The following THEMIS variants were observed in gnomAD, a reference collection of about 807,000 sequenced individuals.
THEMIS encodes protein THEMIS.
Under a neutral mutation model 52.6 loss-of-function variants are expected in THEMIS, and 37 were observed. The observed-to-expected ratio is 0.70, with a 90% confidence interval of 0.54 to 0.93. THEMIS has a LOEUF of 0.93. Among genes scored for constraint, THEMIS ranks in the 40% least tolerant of loss-of-function variants. THEMIS has a pLI of 0.00. For synonymous variants in THEMIS, 292 were observed against 272.7 expected, an observed-to-expected ratio of 1.07 and a Z score of -0.70; for missense variants, 808 against 763.1, an observed-to-expected ratio of 1.06 and a Z score of -0.69.
upstream of THEMIS, among the ~76,000 whole-genome samples, chr6:127,904,653 G>A (rs78004489): frequency 3.7e-4 from 56 of 152,190 alleles, no homozygotes; most frequent in East Asian, 9.5e-3. Flanking sequence ...AGACAGGACA[G>A]AGAAAGACAG....
At chr6:127,793,937 A>G (rs1302512855) in intron 4 of THEMIS, among the ~76,000 whole-genome samples, 1 of 152,202 alleles carries the variant, frequency 6.6e-6, no homozygotes, top group Non-Finnish European at 1.5e-5. Flanking sequence ...CTTTCCCACT[A>G]TAGTTATCTA....
At chr6:127,744,129 A>G (rs780854557) in intron 4 of THEMIS, among the ~76,000 whole-genome samples, 2 of 152,188 alleles carry the variant, frequency 1.3e-5, no homozygotes, top group African/African-American at 4.8e-5. Context: ...AGAATCTTCA[A>G]CTGTCTTTAT....
At chr6:127,917,927 A>G (rs1280141293) in intron 1 of THEMIS, among the ~76,000 whole-genome samples, 1 of 152,214 alleles carries the variant, frequency 6.6e-6, no homozygotes, top group African/African-American at 2.4e-5. Flanking sequence ...GGTTTCTAAT[A>G]AATTTATCCT....
chr6:127,721,202 C>T (rs1396160642), intron 4 of THEMIS, among the ~76,000 whole-genome samples: 3 of 151,986 alleles, frequency 2.0e-5, no homozygotes, highest in African/African-American at 4.8e-5. Flanking sequence ...GAGCCCCAGA[C>T]GTTTGGGTGA....
chr6:127,754,255 C>G (rs1258581273), intron 4 of THEMIS, among the ~76,000 whole-genome samples: 1 of 152,156 alleles, frequency 6.6e-6, no homozygotes, highest in Non-Finnish European at 1.5e-5. Flanking sequence ...AACCATGTGT[C>G]TAGGTTTCCA....
At chr6:127,785,644 A>G (rs1490488687) in intron 4 of THEMIS, among the ~76,000 whole-genome samples, 2 of 152,046 alleles carry the variant, frequency 1.3e-5, no homozygotes, top group African/African-American at 2.4e-5. Context: ...AAAGTTAAAG[A>G]ACAACTGGTG....
intron 2 of THEMIS, among the ~76,000 whole-genome samples, chr6:127,849,866 A>G (rs1430026135): frequency 6.6e-6 from 1 of 151,698 alleles, no homozygotes; most frequent in Non-Finnish European, 1.5e-5. Context: ...CCAAAAGCAA[A>G]TGCCACAAAA....
At chr6:127,826,938 TA>T (rs1216436780) in intron 3 of THEMIS, among the ~76,000 whole-genome samples, 2 of 151,598 alleles carry the variant, frequency 1.3e-5, no homozygotes, top group African/African-American at 2.4e-5. Flanking sequence ...TAAACATTTT[TA>T]TTTTTTTTTT....
the THEMIS span, among the ~76,000 whole-genome samples, chr6:127,701,587 T>C: frequency 6.6e-6 from 1 of 152,100 alleles, no homozygotes; most frequent in Non-Finnish European, 1.5e-5. Flanking sequence ...ATAGGGTAGG[T>C]GTATGTTTAG....
chr6:127,757,100 G>A (rs1775852439), intron 4 of THEMIS, among the ~76,000 whole-genome samples: 1 of 152,080 alleles, frequency 6.6e-6, no homozygotes, highest in Non-Finnish European at 1.5e-5. Context: ...AGCCACATGT[G>A]GTCATTAAAC....
intron 2 of THEMIS, among the ~76,000 whole-genome samples, chr6:127,847,545 G>T (rs1354389509): frequency 6.6e-6 from 1 of 151,620 alleles, no homozygotes; most frequent in Non-Finnish European, 1.5e-5. Context: ...AGCTGCAAAA[G>T]AAACCTAAAC....
downstream of THEMIS, among the ~76,000 whole-genome samples, chr6:127,703,563 GT>G (rs1773757773): frequency 6.6e-6 from 1 of 152,096 alleles, no homozygotes; most frequent in South Asian, 2.1e-4. Flanking sequence ...TTGAATGAGG[GT>G]CACATCAGCA....
At chr6:127,713,463 C>T (rs558339414) in intron 5 of THEMIS, among the ~76,000 whole-genome samples, 1 of 151,802 alleles carries the variant, frequency 6.6e-6, no homozygotes, top group South Asian at 2.1e-4. Flanking sequence ...TTTCCTATAA[C>T]CTAAGGATAG....
intron 4 of THEMIS, among the ~76,000 whole-genome samples, chr6:127,763,534 T>C (rs1240896299): frequency 3.3e-5 from 5 of 151,972 alleles, no homozygotes; most frequent in Admixed American, 2.6e-4. Flanking sequence ...AAAAGGTCTT[T>C]GTCCTAGCTT....
chr6:127,801,839 G>A (rs1312263267), intron 4 of THEMIS, among the ~76,000 whole-genome samples: 1 of 152,186 alleles, frequency 6.6e-6, no homozygotes, highest in Non-Finnish European at 1.5e-5. Context: ...AGGTGAGGTT[G>A]AGAGTGTGAC....
chr6:127,730,093 G>A lies in THEMIS; in HGVS notation c.1759-10270C>T, dbSNP rs75282854. Among the ~76,000 whole-genome samples, 1,458 of 151,836 alleles carry A rather than the reference G, an allele frequency of 9.6e-3. 25 individuals carry two copies. Among genetic ancestry groups the A allele is most frequent in the African/African-American group, 0.034 (1,391 of 41,390 alleles). On this transcript the variant is annotated intron_variant, in intron 4 of 5. Coordinates refer to ENST00000368248, the MANE Select transcript of THEMIS (RefSeq NM_001010923.3). ...GAGACAAGCCTGAGCAATATAGTGA[G>A]CCCCTGTTTCTAATAAATAAATAAA...
At chr6:127,736,771 C>T (rs547316419) in intron 4 of THEMIS, among the ~76,000 whole-genome samples, 25 of 148,106 alleles carry the variant, frequency 1.7e-4, no homozygotes, top group Non-Finnish European at 3.3e-4. Context: ...CTGAGGTGCG[C>T]ATCATATTGC....
intron 4 of THEMIS, among the ~76,000 whole-genome samples, chr6:127,783,460 G>A (rs1210770638): frequency 6.6e-6 from 1 of 152,166 alleles, no homozygotes; most frequent in Non-Finnish European, 1.5e-5. Flanking sequence ...GCAACTTACA[G>A]AATGGGAGAA....
chr6:127,759,461 T>G (rs896477376), intron 4 of THEMIS, among the ~76,000 whole-genome samples: 1 of 152,152 alleles, frequency 6.6e-6, no homozygotes, highest in Non-Finnish European at 1.5e-5. Flanking sequence ...AATTTCAAAT[T>G]TAATATTTCC....
Sources: allele counts gnomAD v4.1 joint callset (sites outside exome capture counted in the v4.1 genomes callset), GRCh38; gene constraint gnomAD v4.1.1; transcripts MANE v1.5; gene names NCBI Gene and HGNC (gene_info 2026-07-23, HGNC 2026-07-21).